NPEPL1: variants seen among roughly 807,000 people sequenced by gnomAD.
The protein encoded by NPEPL1 is probable aminopeptidase NPEPL1.
NPEPL1 carries 45 observed loss-of-function variants against 52.4 expected under a neutral mutation model. That is an observed-to-expected ratio of 0.86 (90% CI 0.68 to 1.10). The LOEUF (loss-of-function observed/expected upper bound fraction) is 1.10, where lower values mean the gene tolerates loss of function less well. Among genes scored for constraint, NPEPL1 ranks in the 50% least tolerant of loss-of-function variants. NPEPL1 has a pLI of 0.00. For synonymous variants in NPEPL1, 360 were observed against 314.7 expected (o/e 1.14, Z -1.52); for missense variants, 696 against 710.9 (o/e 0.98, Z 0.24).
Position 58,713,619 on chromosome 20 carries a change from A to G in NPEPL1, c.1125+76A>G. On this transcript the variant is annotated intron_variant, in intron 9 of 11. Coordinates refer to ENST00000356091, the MANE Select transcript of NPEPL1 (RefSeq NM_024663.4). The surrounding 1 kb of genome is among the most constrained non-coding windows in gnomAD (Gnocchi z 4.6). ...CCCACTCTTGACCTCAAGGTGGGGAAGGCAGCGCGTGGGGGCTGCCGTCAG... is the reference window on the plus strand; with the variant it reads ...CCCACTCTTGACCTCAAGGTGGGGAGGGCAGCGCGTGGGGGCTGCCGTCAG... 6.8e-7 allele frequency: 1 copy of G among 1,471,122 alleles called. No individual in the cohort carries two copies. Among genetic ancestry groups the G allele is most frequent in the East Asian group, 2.4e-5 (1 of 41,156 alleles). 91.1% of individuals were successfully genotyped at this position (1,471,122 alleles called of 1,614,324 possible).
chr20:58,714,595 C>T lies in NPEPL1; in HGVS notation c.1338C>T (p.Leu446=), dbSNP rs1475032862. ...ACAGCCCCAGCTCCTGTGCTGGCCT[C>T]TTCATCGCCTCACACATCGGCTTCG... ...RDNSPSSCAG[L]FIASHIGFDW... The change falls in exon 11 of 12, where the codon CTC becomes CTT. Residue 446 remains leucine, a synonymous_variant. Coordinates refer to ENST00000356091, the MANE Select transcript of NPEPL1 (RefSeq NM_024663.4). 1.9e-6 allele frequency: 3 copies of T among 1,594,806 alleles called. No homozygotes were observed. The South Asian group carries it at 3.4e-5, about 18-fold the overall frequency.
At chr20:58,697,017 C>A (rs1040658946) in intron 3 of NPEPL1, among the ~76,000 whole-genome samples, 1 of 152,238 alleles carries the variant, frequency 6.6e-6, no homozygotes, top group Non-Finnish European at 1.5e-5. Flanking sequence ...CCTTCCAGTC[C>A]CCACCCAGGA....
chr20:58,694,290 C>T lies in NPEPL1; in HGVS notation c.337-132C>T, dbSNP rs1040358169. 4 of 906,232 alleles carry T rather than the reference C, an allele frequency of 4.4e-6. No homozygotes were observed. The African/African-American group carries it at 6.7e-5, about 15-fold the overall frequency. The allele number at this position is 906,232 out of a possible 1,614,324, so 56.1% of individuals were successfully genotyped here. Reference sequence around the variant, plus strand: ...GATGACCTGAGGGATGGGGTGGCGGCTGCTGTGGGACATCTCTGTCTAGAT... The same window carrying T: ...GATGACCTGAGGGATGGGGTGGCGGTTGCTGTGGGACATCTCTGTCTAGAT... On this transcript the variant is annotated intron_variant, in intron 2 of 11. Coordinates refer to ENST00000356091, the MANE Select transcript of NPEPL1 (RefSeq NM_024663.4).
At chr20:58,695,040 CT>C (rs2084440641) in intron 3 of NPEPL1, among the ~76,000 whole-genome samples, 5 of 5,384 alleles carry the variant, frequency 9.3e-4, no homozygotes, top group African/African-American at 1.6e-3. Context: ...GTATGTGTTG[CT>C]GTGTATGTTT....
chr20:58,696,917 C>T (rs917832281), intron 3 of NPEPL1, among the ~76,000 whole-genome samples: 1 of 152,238 alleles, frequency 6.6e-6, no homozygotes, highest in East Asian at 1.9e-4. Flanking sequence ...CTGCAGCTGC[C>T]ACCACTCAGC....
rs754709783 is a variant in NPEPL1 at position 58,698,742 on chromosome 20, G to C, written c.566G>C (p.Cys189Ser). The change falls in exon 4 of 12, where the codon TGC becomes TCC. Residue 189 changes from cysteine (C) to serine (S), a missense_variant. By Grantham distance (112) the Cys-to-Ser change is moderately radical. Transcript: ENST00000356091. Reference protein sequence around the residue: ...RLAARIVDTPCNEMNTDTFLE... With the variant: ...RLAARIVDTPSNEMNTDTFLE... The stretch of plus-strand genomic sequence containing the variant: ...GCAGCCCGCATCGTGGACACACCCT[G>C]CAATGAGATGAACACCGACACCTTC... The C allele has an allele frequency of 9.9e-6, 16 of 1,612,906 alleles. No homozygotes were observed. The highest frequency in any genetic ancestry group is 1.4e-5 in the Non-Finnish European group (16 of 1,179,838).
intron 5 of NPEPL1, among the ~76,000 whole-genome samples, chr20:58,700,665 G>A (rs2084595810): frequency 6.6e-6 from 1 of 152,212 alleles, no homozygotes. Flanking sequence ...TTCAGGAAGT[G>A]GGGACGAGCA....
Position 58,699,219 on chromosome 20 carries a change from A to C in NPEPL1, c.620A>C (p.Glu207Ala). Residue 207 changes from glutamate (E) to alanine (A), a missense_variant, in exon 5 of 12, where the codon GAG (glutamate) becomes GCG (alanine). Physicochemically the swap from Glu to Ala is moderately radical, Grantham distance 107 (BLOSUM62 -1). Coordinates refer to ENST00000356091, the MANE Select transcript of NPEPL1 (RefSeq NM_024663.4). ...FLEEINKVGKELGIIPTIIRD... is the reference protein window; with the variant it reads ...FLEEINKVGKALGIIPTIIRD... ...CAGGAGATTAACAAAGTTGGAAAGG[A>C]GCTGGGGATCATCCCAACCATCATC... 6.2e-7 allele frequency: 1 copy of C among 1,602,952 alleles called. No homozygotes were observed. The highest frequency in any genetic ancestry group is 8.5e-7 in the Non-Finnish European group (1 of 1,174,768).
chr20:58,703,292 A>C (rs1385760803), intron 6 of NPEPL1, among the ~76,000 whole-genome samples: 1 of 152,232 alleles, frequency 6.6e-6, no homozygotes, highest in Non-Finnish European at 1.5e-5. Flanking sequence ...GCAATTTTTT[A>C]AACTTCAATC....
intron 5 of NPEPL1, among the ~76,000 whole-genome samples, chr20:58,700,285 G>C (rs1192720360): frequency 6.6e-6 from 1 of 152,216 alleles, no homozygotes; most frequent in African/African-American, 2.4e-5. Flanking sequence ...GAGGGGGAGG[G>C]ACTGCACAAG....
At chr20:58,693,215 C>A (rs1230074734) in intron 1 of NPEPL1, 165 bp downstream of exon 1, 2 of 360,700 alleles carry the variant, frequency 5.5e-6, no homozygotes, top group Non-Finnish European at 7.7e-6. Flanking sequence ...AGTCCTCGCC[C>A]GCGGAGGCCC....
chr20:58,693,139 C>CCCG (rs560925527), intron 1 of NPEPL1, 89 bp downstream of exon 1: 11,716 of 878,090 alleles, frequency 0.013, 74 homozygotes, highest in Admixed American at 0.026. Context: ...CCGCCGCACC[C>CCCG]CCGCCGCCGC....
At chr20:58,711,223 TG>T (rs1452699230) in intron 7 of NPEPL1, 55 of 151,712 alleles carry the variant, frequency 3.6e-4, no homozygotes, top group Middle Eastern at 3.4e-3. Context: ...CTCATCTCTG[TG>T]GCGTCCATGG....
rs752554539 is a variant in NPEPL1, at chr20:58,714,639, T to C, written c.1382T>C (p.Val461Ala). 8.8e-6 allele frequency: 14 copies of C among 1,595,550 alleles called. No homozygotes were observed. The African/African-American group carries it at 1.7e-4, about 20-fold the overall frequency. The change falls in exon 11 of 12, where the codon GTC (valine) becomes GCC (alanine). Residue 461 changes from valine (V) to alanine (A), a missense_variant. Val to Ala is a moderately conservative substitution (Grantham distance 64). Coordinates refer to ENST00000356091, the MANE Select transcript of NPEPL1 (RefSeq NM_024663.4). The part of the protein sequence containing the change: ...HIGFDWPGVW[V>A]HLDIAAPVHA... ...GGCTTCGACTGGCCCGGAGTCTGGG[T>C]CCACCTGGACATTGCTGCACCGGTG...
upstream of NPEPL1, chr20:58,691,680 CTTT>C (rs2084346894): frequency 4.2e-5 from 32 of 754,034 alleles, no homozygotes; most frequent in South Asian, 3.4e-4. Flanking sequence ...GCTTTTTTTT[CTTT>C]TTTTCTTTTC....
chr20:58,704,734 G>C (rs552559408), intron 6 of NPEPL1, among the ~76,000 whole-genome samples: 86 of 152,330 alleles, frequency 5.6e-4, no homozygotes, highest in African/African-American at 2.1e-3. Context: ...GCATTTTATA[G>C]TTGAAACAGG....
At chr20:58,695,305 A>T (rs6128405) in intron 3 of NPEPL1, among the ~76,000 whole-genome samples, 1 of 124,468 alleles carries the variant, frequency 8.0e-6, no homozygotes, top group Non-Finnish European at 1.9e-5. Flanking sequence ...TATGAGTGCT[A>T]GTGTGTGCAT....
Position 58,713,702 on chromosome 20 carries a change from G to A in NPEPL1, c.1125+159G>A. The A allele has an allele frequency of 8.5e-7, 1 of 1,182,482 alleles. No homozygotes were observed. Among genetic ancestry groups the A allele is most frequent in the Non-Finnish European group, 1.1e-6 (1 of 874,194 alleles). The allele number at this position is 1,182,482 out of a possible 1,614,324, so 73.2% of individuals were successfully genotyped here. On this transcript the variant is annotated intron_variant, in intron 9 of 11. Transcript: ENST00000356091. The surrounding 1 kb of genome is among the most constrained non-coding windows in gnomAD (Gnocchi z 4.6). ...AGGAGCTGCCCGTCAAGCTTGGTGT[G>A]GGCAGTACCGAGGCCCAGGCTGGAT...
At chr20:58,708,324 A>G (rs1203140072) in intron 7 of NPEPL1, among the ~76,000 whole-genome samples, 1 of 152,218 alleles carries the variant, frequency 6.6e-6, no homozygotes, top group Non-Finnish European at 1.5e-5. Flanking sequence ...TGCACATTCC[A>G]GACTGTGTGA....
Sources: allele counts gnomAD v4.1 joint callset (sites outside exome capture counted in the v4.1 genomes callset), GRCh38; gene constraint gnomAD v4.1.1; non-coding constraint Gnocchi (gnomAD v3.1); transcripts MANE v1.5; gene names NCBI Gene and HGNC (gene_info 2026-07-23, HGNC 2026-07-21).